The following SLC35F1 variants were observed in gnomAD, a reference collection of about 807,000 sequenced individuals.
SLC35F1 encodes chromosome 6 open reading frame 169.
A neutral mutation model predicts 48.7 loss-of-function variants in SLC35F1; 14 were observed. The ratio of observed to expected loss-of-function variants is 0.29; its 90% confidence interval spans 0.19 to 0.45. The LOEUF (loss-of-function observed/expected upper bound fraction) is 0.45, where lower values mean the gene tolerates loss of function less well. Ranked by LOEUF, SLC35F1 falls within the 20% of genes least tolerant of loss-of-function variation. The probability of loss-of-function intolerance (pLI) is 1.00; values close to 1 mark genes in which losing one functional copy is unlikely to be tolerated. For synonymous variants in SLC35F1, 190 were observed against 202.2 expected (o/e 0.94, Z 0.51); for missense variants, 404 against 500.0 (o/e 0.81, Z 1.83).
chr6:118,244,549 TA>T (rs1775483533), intron 3 of SLC35F1, among the ~76,000 whole-genome samples: 1 of 152,292 alleles, frequency 6.6e-6, no homozygotes, highest in Non-Finnish European at 1.5e-5. Context: ...GCAAGGGACG[TA>T]TCTCTCACCC....
chr6:117,917,013 C>T (rs1324878011), intron 1 of SLC35F1, among the ~76,000 whole-genome samples: 1 of 152,068 alleles, frequency 6.6e-6, no homozygotes, highest in Non-Finnish European at 1.5e-5. Flanking sequence ...AAAAGGTATC[C>T]AACAGTGGCA....
At chr6:118,260,890 G>A (rs76171036) in intron 3 of SLC35F1, among the ~76,000 whole-genome samples, 7,470 of 152,174 alleles carry the variant, frequency 0.049, 649 homozygotes, top group African/African-American at 0.17. Context: ...CTACGCCTTT[G>A]TCTGTGAATG....
In SLC35F1 at chr6:118,182,023, A is replaced by G. The variant is rs938154509; in HGVS notation, c.349+27403A>G. Among the ~76,000 whole-genome samples, 6 of 152,202 alleles carry G rather than the reference A, an allele frequency of 3.9e-5. 1 individual carries two copies. Among genetic ancestry groups the G allele is most frequent in the Non-Finnish European group, 7.4e-5 (5 of 68,024 alleles). The stretch of plus-strand genomic sequence containing the variant: ...AAAGTGTGTTTGCTATTTTATTTTT[A>G]AAAGAAACAACTTTTCACTTGGATG... On this transcript the variant is annotated intron_variant, in intron 2 of 7. Coordinates refer to ENST00000360388, the MANE Select transcript of SLC35F1 (RefSeq NM_001029858.4).
intron 1 of SLC35F1, among the ~76,000 whole-genome samples, chr6:118,091,107 G>T (rs577937016): frequency 1.6e-4 from 24 of 152,216 alleles, no homozygotes; most frequent in Non-Finnish European, 2.8e-4. Context: ...CTGAATGAAT[G>T]AAATGGGTCT....
intron 5 of SLC35F1, among the ~76,000 whole-genome samples, chr6:118,276,226 C>T (rs1411073154): frequency 6.6e-6 from 1 of 152,128 alleles, no homozygotes; most frequent in Non-Finnish European, 1.5e-5. Flanking sequence ...TGACTATTGC[C>T]TCAGAATTTG....
At chr6:118,134,570 G>A (rs904911789) in intron 1 of SLC35F1, among the ~76,000 whole-genome samples, 1 of 152,180 alleles carries the variant, frequency 6.6e-6, no homozygotes, top group African/African-American at 2.4e-5. Flanking sequence ...TTTAATAAAT[G>A]CAATCCAAAG....
chr6:118,248,516 T>G (rs283077), intron 3 of SLC35F1, among the ~76,000 whole-genome samples: 70,794 of 151,714 alleles, frequency 0.47, 16,708 homozygotes, highest in Middle Eastern at 0.52. Context: ...AGAAGTGGAG[T>G]TCAGTGTCAG....
intron 1 of SLC35F1, among the ~76,000 whole-genome samples, chr6:118,016,262 C>T (rs1777320977): frequency 6.6e-6 from 1 of 152,144 alleles, no homozygotes; most frequent in African/African-American, 2.4e-5. Flanking sequence ...TCTAAGTCAG[C>T]CTCAAGGAGT....
intron 1 of SLC35F1, among the ~76,000 whole-genome samples, chr6:117,923,506 T>TACACAC (rs60649718): frequency 1.4e-5 from 2 of 144,166 alleles, no homozygotes; most frequent in African/African-American, 5.1e-5. Flanking sequence ...AATATATATA[T>TACACAC]ACACATACAT....
At chr6:117,971,407 A>G (rs1442009021) in intron 1 of SLC35F1, among the ~76,000 whole-genome samples, 3 of 152,144 alleles carry the variant, frequency 2.0e-5, no homozygotes, top group Admixed American at 6.5e-5. Context: ...TTCCAGGTGC[A>G]CAGTGCAAGC....
intron 1 of SLC35F1, among the ~76,000 whole-genome samples, chr6:117,968,173 T>A (rs1436047583): frequency 6.6e-6 from 1 of 152,164 alleles, no homozygotes; most frequent in Non-Finnish European, 1.5e-5. Flanking sequence ...TTTTTTATCC[T>A]CCTTCTAGAC....
At chr6:118,234,030 C>T (rs1775331079) in intron 2 of SLC35F1, among the ~76,000 whole-genome samples, 1 of 152,194 alleles carries the variant, frequency 6.6e-6, no homozygotes, top group South Asian at 2.1e-4. Flanking sequence ...GGAAAGACCA[C>T]CTCATTATCA....
intron 1 of SLC35F1, chr6:117,998,875 C>A (rs370635726): frequency 1.6e-6 from 1 of 640,758 alleles, no homozygotes; most frequent in African/African-American, 1.8e-5. Context: ...ACTAGAAAAG[C>A]AAGAGCAAAC....
chr6:118,313,975 T>G, intron 7 of SLC35F1, 53 bp from the exon 8 acceptor site: 1 of 1,525,730 alleles, frequency 6.6e-7, no homozygotes, highest in Non-Finnish European at 9.1e-7. Flanking sequence ...CTCATTAATG[T>G]GTCAGTGGTT....
At chr6:118,030,082 G>C (rs1582627919) in intron 1 of SLC35F1, among the ~76,000 whole-genome samples, 1 of 152,274 alleles carries the variant, frequency 6.6e-6, no homozygotes, top group East Asian at 1.9e-4. Flanking sequence ...ATCAGCGAGA[G>C]ATGACATATT....
chr6:118,156,904 A>G (rs1467435356), intron 2 of SLC35F1, among the ~76,000 whole-genome samples: 2 of 152,136 alleles, frequency 1.3e-5, no homozygotes, highest in South Asian at 4.1e-4. Context: ...AAGCCATTCT[A>G]AAGGGCAGGG....
At chr6:118,281,942 G>A (rs769366231) in intron 6 of SLC35F1, among the ~76,000 whole-genome samples, 1 of 152,200 alleles carries the variant, frequency 6.6e-6, no homozygotes, top group Non-Finnish European at 1.5e-5. Context: ...CATAGTGAGT[G>A]CTCAATCCAT....
chr6:117,958,666 A>T (rs1177115909), intron 1 of SLC35F1, among the ~76,000 whole-genome samples: 1 of 152,250 alleles, frequency 6.6e-6, no homozygotes, highest in Non-Finnish European at 1.5e-5. Context: ...GCCATGCCAC[A>T]GAGCCTAGGT....
intron 3 of SLC35F1, among the ~76,000 whole-genome samples, chr6:118,246,625 A>C (rs950286410): frequency 6.6e-6 from 1 of 152,158 alleles, no homozygotes; most frequent in Non-Finnish European, 1.5e-5. Flanking sequence ...TTTCAGCTCC[A>C]ATGGTGCACG....
Sources: gnomAD v4.1 joint callset for allele counts (sites outside exome capture counted in the v4.1 genomes callset) on GRCh38, gnomAD v4.1.1 for gene constraint, MANE v1.5 for transcripts, NCBI Gene and HGNC (gene_info 2026-07-23, HGNC 2026-07-21) for gene names.